Variants in PDE1C observed in about 807,000 individuals in gnomAD.
PDE1C encodes the protein dual specificity calcium/calmodulin-dependent 3',5'-cyclic nucleotide phosphodiesterase 1C.
A neutral mutation model predicts 93.1 loss-of-function variants in PDE1C; 62 were observed. The ratio of observed to expected loss-of-function variants is 0.67; its 90% CI spans 0.54 to 0.82. The LOEUF (loss-of-function observed/expected upper bound fraction) is 0.82. Ranked by LOEUF, PDE1C falls within the 40% of genes least tolerant of loss-of-function variation. The pLI is 0.00. For synonymous variants in PDE1C, 325 were observed against 310.1 expected, an observed-to-expected ratio of 1.05 and a Z score of -0.50; for missense variants, 742 against 884.6, an observed-to-expected ratio of 0.84 and a Z score of 2.04.
the PDE1C span, among the ~76,000 whole-genome samples, chr7:31,668,675 A>G: frequency 6.6e-6 from 1 of 152,150 alleles, no homozygotes; most frequent in African/African-American, 2.4e-5. Flanking sequence ...CGGCTGGAGA[A>G]TGGGAAGGGA....
intron 2 of PDE1C, among the ~76,000 whole-genome samples, chr7:31,919,125 A>G (rs1352830788): frequency 6.6e-6 from 1 of 152,238 alleles, no homozygotes; most frequent in African/African-American, 2.4e-5. Flanking sequence ...TATTAAAAAT[A>G]GAAAACTAAC....
At chr7:31,720,907 C>A in the PDE1C span, among the ~76,000 whole-genome samples, 1 of 152,138 alleles carries the variant, frequency 6.6e-6, no homozygotes, top group Non-Finnish European at 1.5e-5. Context: ...CCAAACACTA[C>A]CTCTGAAATA....
Position 32,290,888 on chromosome 7 carries a change from T to C in PDE1C, c.85+7763A>G, listed in dbSNP as rs534132797. 1.3e-3 allele frequency among the ~76,000 whole-genome samples: 202 copies of C among 152,320 alleles called. 6 individuals carry two copies. The South Asian group carries it at 0.037, about 28-fold the overall frequency. On this transcript the variant is annotated intron_variant, in intron 1 of 18. Coordinates refer to the PDE1C transcript ENST00000396193. Reference sequence around the variant, plus strand: ...CAACAGAAAGCAGAAGACAAAGTCATCCTTACAGTTTTTCAAACAACAGTA... The same window carrying C: ...CAACAGAAAGCAGAAGACAAAGTCACCCTTACAGTTTTTCAAACAACAGTA...
chr7:31,790,050 C>A (rs1784399299), intron 16 of PDE1C: 1 of 1,388,470 alleles, frequency 7.2e-7, no homozygotes, highest in East Asian at 2.7e-5. Flanking sequence ...CAAACCAACC[C>A]CCAAAGATTC....
chr7:31,630,485 A>T, the PDE1C span, among the ~76,000 whole-genome samples: 1 of 152,112 alleles, frequency 6.6e-6, no homozygotes, highest in Non-Finnish European at 1.5e-5. Flanking sequence ...ATTCTCATTG[A>T]TTAGTATTAG....
intron 2 of PDE1C, among the ~76,000 whole-genome samples, chr7:32,025,034 G>T (rs184908824): frequency 8.1e-4 from 123 of 152,210 alleles, no homozygotes; most frequent in Non-Finnish European, 1.1e-3. Flanking sequence ...AGCAAAGCAG[G>T]AAATGGTCCC....
At chr7:32,075,358 G>A (rs1796290803), upstream of PDE1C, among the ~76,000 whole-genome samples, 1 of 152,160 alleles carries the variant, frequency 6.6e-6, no homozygotes, top group South Asian at 2.1e-4. Flanking sequence ...ACACATTTAG[G>A]ACATCAGAAG....
chr7:31,714,590 A>G, the PDE1C span, among the ~76,000 whole-genome samples: 2 of 152,222 alleles, frequency 1.3e-5, no homozygotes, highest in African/African-American at 4.8e-5. Flanking sequence ...AGACATACCC[A>G]AGACTGGGAA....
At chr7:32,040,847 C>T (rs1395891007) in intron 2 of PDE1C, among the ~76,000 whole-genome samples, 1 of 152,092 alleles carries the variant, frequency 6.6e-6, no homozygotes, top group African/African-American at 2.4e-5. Context: ...CCCCACCTAC[C>T]CCAATCTTCT....
intron 2 of PDE1C, among the ~76,000 whole-genome samples, chr7:31,964,332 C>G (rs1490843543): frequency 1.3e-5 from 2 of 152,244 alleles, no homozygotes; most frequent in African/African-American, 4.8e-5. Context: ...CTTGGAGGGT[C>G]CTATGCCCAC....
intron 1 of PDE1C, among the ~76,000 whole-genome samples, chr7:32,210,595 G>T (rs571451598): frequency 3.9e-4 from 59 of 152,218 alleles, no homozygotes; most frequent in African/African-American, 1.4e-3. Flanking sequence ...AAAATTTACT[G>T]CATTTGAGCA....
chr7:31,914,603 T>C (rs931616219), intron 2 of PDE1C, among the ~76,000 whole-genome samples: 1 of 152,314 alleles, frequency 6.6e-6, no homozygotes, highest in East Asian at 1.9e-4. Flanking sequence ...GATTCCTTTT[T>C]TCCTATTATC....
At chr7:31,954,943 C>T (rs547905852) in intron 2 of PDE1C, among the ~76,000 whole-genome samples, 53 of 152,268 alleles carry the variant, frequency 3.5e-4, no homozygotes, top group African/African-American at 1.2e-3. Context: ...CGTCAAGGCT[C>T]GGTTTTCTCA....
At chr7:31,827,385 T>G (rs1789819964) in intron 12 of PDE1C, among the ~76,000 whole-genome samples, 2 of 152,144 alleles carry the variant, frequency 1.3e-5, no homozygotes, top group African/African-American at 4.8e-5. Flanking sequence ...GTTCACACAC[T>G]CTGTTGTGTA....
chr7:32,124,981 G>A (rs1799495812), intron 3 of PDE1C, among the ~76,000 whole-genome samples: 1 of 152,076 alleles, frequency 6.6e-6, no homozygotes, highest in Non-Finnish European at 1.5e-5. Flanking sequence ...ATCTGACAAA[G>A]ATCTAATATC....
rs114110726 is a variant in PDE1C, at chr7:31,767,611, T to C, written c.1960+8053A>G. On this transcript the variant is annotated intron_variant, in intron 17 of 17. Coordinates refer to ENST00000396191, the MANE Select transcript of PDE1C (RefSeq NM_001191057.4). ...TTACTCAGTCTCAGGTAGTTCTTTATAGCAATGCAAGAAAAGACTAATACA... is the reference window on the plus strand; with the variant it reads ...TTACTCAGTCTCAGGTAGTTCTTTACAGCAATGCAAGAAAAGACTAATACA... 4.1e-3 allele frequency among the ~76,000 whole-genome samples: 621 copies of C among 152,340 alleles called. 4 individuals are homozygous for C. The highest frequency in any genetic ancestry group is 0.014 in the African/African-American group (580 of 41,574).
intron 3 of PDE1C, among the ~76,000 whole-genome samples, chr7:32,100,107 A>C (rs1241043321): frequency 1.3e-5 from 2 of 152,180 alleles, no homozygotes; most frequent in Admixed American, 1.3e-4. Flanking sequence ...ACTCCATCCC[A>C]TGCCCAGTGT....
At chr7:31,885,907 T>A (rs913061841) in intron 2 of PDE1C, among the ~76,000 whole-genome samples, 1 of 152,222 alleles carries the variant, frequency 6.6e-6, no homozygotes, top group Non-Finnish European at 1.5e-5. Flanking sequence ...TAGAATTTCA[T>A]TCTTTTGCAC....
At chr7:31,621,257 T>A in the PDE1C span, among the ~76,000 whole-genome samples, 2 of 149,172 alleles carry the variant, frequency 1.3e-5, no homozygotes, top group African/African-American at 5.0e-5. Context: ...ATGCAGAGAA[T>A]GCCACAAAGA....
Sources: allele counts gnomAD v4.1 joint callset (sites outside exome capture counted in the v4.1 genomes callset), GRCh38; gene constraint gnomAD v4.1.1; transcripts MANE v1.5; gene names NCBI Gene and HGNC (gene_info 2026-07-23, HGNC 2026-07-21).